The following CCN5 variants were observed in gnomAD, a reference collection of about 807,000 sequenced individuals.
CCN5 encodes CCN family member 5.
CCN5 carries 17 observed loss-of-function variants against 18.7 expected under a neutral mutation model. That is an observed-to-expected ratio of 0.91 (90% CI 0.62 to 1.36). CCN5 has a LOEUF of 1.36. Ranked by LOEUF, CCN5 falls within the 40% of genes most tolerant of loss-of-function variation. The pLI is 0.00. For missense variants in CCN5, 367 were observed against 342.9 expected, an observed-to-expected ratio of 1.07 and a Z score of -0.56; for synonymous variants, 135 against 145.2, an observed-to-expected ratio of 0.93 and a Z score of 0.50.
rs371906914 is a variant in CCN5 at position 44,724,826 on chromosome 20, C to T, written c.366C>T (p.Arg122=). 1 of 1,609,438 alleles carries T rather than the reference C, an allele frequency of 6.2e-7. No individual in the cohort carries two copies. The highest frequency in any genetic ancestry group is 1.1e-5 in the South Asian group (1 of 90,324). ...AGCCCCACTGCAGCATCCGCTGCCG[C>T]TGCGAGGACGGCGGCTTCACCTGCG... The part of the protein sequence containing the change: ...TFQPHCSIRC[R]CEDGGFTCVP... The change falls in exon 3 of 4, where the codon CGC becomes CGT. Residue 122 remains arginine, a synonymous_variant. Transcript: ENST00000190983.
Position 44,727,343 on chromosome 20 carries a change from C to A in CCN5, c.*36C>A. On this transcript the variant is annotated 3_prime_UTR_variant, in exon 4 of 4. Transcript: ENST00000190983. ...GGAATGGGGACACGGTGTCCACCAT[C>A]CCCAGCTGGTGGCCCTGTGCCTGGG... 6.3e-7 allele frequency: 1 copy of A among 1,575,300 alleles called. No individual in the cohort carries two copies. The highest frequency in any genetic ancestry group is 8.6e-7 in the Non-Finnish European group (1 of 1,157,606).
At chr20:44,719,289 T>C (rs2065880966) in intron 1 of CCN5, among the ~76,000 whole-genome samples, 1 of 152,202 alleles carries the variant, frequency 6.6e-6, no homozygotes, top group Non-Finnish European at 1.5e-5. Context: ...GTTAGATACT[T>C]TGAGGAAACT....
At chr20:44,720,234 C>T (rs952393102) in intron 2 of CCN5, 121 bp downstream of exon 2, 30 of 1,068,980 alleles carry the variant, frequency 2.8e-5, no homozygotes, top group Admixed American at 7.7e-5. Context: ...TCAGGTATCC[C>T]ATCCATTCCA....
chr20:44,715,096 G>GCACACA (rs144166282), upstream of CCN5: 46 of 288,354 alleles, frequency 1.6e-4, no homozygotes, highest in African/African-American at 2.7e-4. Flanking sequence ...ACACACACGC[G>GCACACA]CACACACACA....
intron 1 of CCN5, among the ~76,000 whole-genome samples, chr20:44,718,921 C>T (rs1398933404): frequency 6.6e-6 from 1 of 152,142 alleles, no homozygotes. Flanking sequence ...TTGTAAGCCC[C>T]AGAGTGGGTT....
Position 44,727,376 on chromosome 20 carries a change from C to T in CCN5, c.*69C>T, listed in dbSNP as rs774642353. Reference sequence around the variant, plus strand: ...GGTGGCCCTGTGCCTGGGCCCTGGGCTGATGGAAGATGGTCCGTGCCCAGG... The same window carrying T: ...GGTGGCCCTGTGCCTGGGCCCTGGGTTGATGGAAGATGGTCCGTGCCCAGG... On this transcript the variant is annotated 3_prime_UTR_variant, in exon 4 of 4. Transcript: ENST00000190983. The T allele has an allele frequency of 6.6e-7, 1 of 1,513,004 alleles. No individual in the cohort carries two copies. The highest frequency in any genetic ancestry group is 1.3e-5 in the South Asian group (1 of 77,710). The allele number at this position is 1,513,004 out of a possible 1,614,324, so 93.7% of individuals were successfully genotyped here.
chr20:44,720,274 C>G (rs947275287), intron 2 of CCN5, 161 bp downstream of exon 2: 1 of 730,048 alleles, frequency 1.4e-6, no homozygotes, highest in Non-Finnish European at 2.3e-6. Flanking sequence ...AGCCCACTCC[C>G]CACTCCCTCC....
chr20:44,724,957 G>T lies in CCN5; in HGVS notation c.497G>T (p.Gly166Val). The T allele has an allele frequency of 6.3e-7, 1 of 1,596,158 alleles. No homozygotes were observed. The highest frequency in any genetic ancestry group is 8.5e-7 in the Non-Finnish European group (1 of 1,172,484). The change falls in exon 3 of 4, where the codon GGA becomes GTA. Residue 166 changes from glycine (G) to valine (V), a missense_variant. Transcript: ENST00000190983. ...TGCCCTGAGTGGGTGTGCGGCCAAG[G>T]AGGGGGACTGGGGACCCAGCCCCTT... ...KCCPEWVCGQ[G>V]GGLGTQPLPA...
At chr20:44,725,843 A>C (rs1488847371) in intron 3 of CCN5, among the ~76,000 whole-genome samples, 4 of 152,218 alleles carry the variant, frequency 2.6e-5, no homozygotes, top group African/African-American at 9.6e-5. Context: ...ATAAATCTTC[A>C]ATTTTAGAGA....
chr20:44,719,486 C>G (rs2065882341), intron 1 of CCN5, among the ~76,000 whole-genome samples: 2 of 152,110 alleles, frequency 1.3e-5, no homozygotes, highest in Non-Finnish European at 1.5e-5. Context: ...GAAACCCCAT[C>G]TCTATTAAAA....
chr20:44,720,059 G>A lies in CCN5; in HGVS notation c.223G>A (p.Gly75Ser), dbSNP rs34035253. ...DQLHVCDASQ[G>S]LVCQPGAGPG... The stretch of plus-strand genomic sequence containing the variant: ...ACTCCACGTCTGCGACGCCAGCCAG[G>A]GCCTGGTCTGCCAGCCCGGGGCAGG... The change falls in exon 2 of 4, where the codon GGC (glycine) becomes AGC (serine). Residue 75 changes from glycine to serine, a missense_variant. Gly to Ser is a moderately conservative substitution (Grantham distance 56, BLOSUM62 0). Coordinates refer to ENST00000190983, the MANE Select transcript of CCN5 (RefSeq NM_003881.4). The A allele has an allele frequency of 1.4e-5, 22 of 1,587,836 alleles. No homozygotes were observed. Among genetic ancestry groups the A allele is most frequent in the Admixed American group, 1.7e-5 (1 of 57,298 alleles).
rs1174364775 is a variant in CCN5, at chr20:44,727,234, C to T, written c.680C>T (p.Thr227Ile). The change falls in exon 4 of 4, where the codon ACC (threonine) becomes ATC (isoleucine). Residue 227 changes from threonine to isoleucine, a missense_variant. Coordinates refer to ENST00000190983, the MANE Select transcript of CCN5 (RefSeq NM_003881.4). Reference protein sequence around the residue: ...SNQNRFCRLETQRRLCLSRPC... With the variant: ...SNQNRFCRLEIQRRLCLSRPC... ...CAGAACCGCTTCTGCCGACTGGAGA[C>T]CCAGCGCCGCCTGTGCCTGTCCAGG... 6.2e-7 allele frequency: 1 copy of T among 1,613,694 alleles called. No homozygotes were observed. Among genetic ancestry groups the T allele is most frequent in the Non-Finnish European group, 8.5e-7 (1 of 1,180,002 alleles).
chr20:44,726,978 C>T, intron 3 of CCN5, 109 bp from the exon 4 acceptor site: 1 of 1,060,718 alleles, frequency 9.4e-7, no homozygotes, highest in Non-Finnish European at 1.4e-6. Context: ...AACTGAGATG[C>T]AGAGAGGCTG....
intron 2 of CCN5, among the ~76,000 whole-genome samples, chr20:44,723,419 C>CG (rs1179409123): frequency 6.6e-6 from 1 of 151,830 alleles, no homozygotes; most frequent in Non-Finnish European, 1.5e-5. Context: ...CCCTGTGAGC[C>CG]GGGTACCAAG....
At chr20:44,716,051 C>T (rs1226746543) in intron 1 of CCN5, among the ~76,000 whole-genome samples, 1 of 152,200 alleles carries the variant, frequency 6.6e-6, no homozygotes, top group Non-Finnish European at 1.5e-5. Flanking sequence ...ACAACAATCC[C>T]ATAAGGAATT....
intron 3 of CCN5, 41 bp downstream of exon 3, chr20:44,725,033 G>C: frequency 6.8e-7 from 1 of 1,478,538 alleles, no homozygotes; most frequent in Non-Finnish European, 8.9e-7. Context: ...GGACTGCCTG[G>C]GGGCGCCAAG....
upstream of CCN5, chr20:44,715,265 G>GTA (rs1298603487): frequency 5.4e-5 from 24 of 444,208 alleles, no homozygotes; most frequent in East Asian, 7.5e-4. Flanking sequence ...GTGTGTGAGC[G>GTA]CGCGCGCGCG....
At chr20:44,720,856 G>C (rs2065894406) in intron 2 of CCN5, 1 of 152,196 alleles carries the variant, frequency 6.6e-6, no homozygotes, top group African/African-American at 2.4e-5. Flanking sequence ...GGGTGCCAGA[G>C]AATTAGTTGT....
intron 2 of CCN5, 22 bp from the exon 3 acceptor site, chr20:44,724,716 G>C (rs1294124043): frequency 1.1e-5 from 17 of 1,611,946 alleles, no homozygotes; most frequent in South Asian, 2.2e-5. Flanking sequence ...TCACCGATGG[G>C]GGTGCGGTTT....
Sources: gnomAD v4.1 joint callset for allele counts (sites outside exome capture counted in the v4.1 genomes callset) on GRCh38, gnomAD v4.1.1 for gene constraint, MANE v1.5 for transcripts, NCBI Gene and HGNC (gene_info 2026-07-23, HGNC 2026-07-21) for gene names.